The following PCBP2 variants were observed in gnomAD, a reference collection of about 807,000 sequenced individuals.
PCBP2 encodes poly(rC) binding protein 2.
In PCBP2, 4 loss-of-function variants were observed where a neutral mutation model predicts 50.1. The ratio of observed to expected loss-of-function variants is 0.08; its 90% CI spans 0.04 to 0.18. The LOEUF (loss-of-function observed/expected upper bound fraction) is 0.18. PCBP2 is among the 10% of genes least tolerant of loss of function. PCBP2 has a pLI of 1.00. For synonymous variants in PCBP2, 179 were observed against 168.0 expected, an observed-to-expected ratio of 1.07 and a Z score of -0.51; for missense variants, 161 against 474.3, an observed-to-expected ratio of 0.34 and a Z score of 6.14.
At chr12:53,471,598 ACT>A (rs763337878) in intron 13 of PCBP2, 38 bp from the exon 14 acceptor site, 3 of 1,567,880 alleles carry the variant, frequency 1.9e-6, no homozygotes, top group African/African-American at 1.4e-5. Context: ...TAGCCATGCA[ACT>A]CTAATTCGGT....
intron 13 of PCBP2, among the ~76,000 whole-genome samples, chr12:53,471,276 GTTTT>G (rs869289440): frequency 7.2e-6 from 1 of 139,592 alleles, no homozygotes. Flanking sequence ...GAGACCCTCG[GTTTT>G]TTTTTTTTTT....
chr12:53,456,109 G>A lies in PCBP2; in HGVS notation c.243+108G>A, dbSNP rs922678716. 2.4e-5 allele frequency: 17 copies of A among 720,740 alleles called. No homozygotes were observed. The East Asian group carries it at 3.0e-4, about 13-fold the overall frequency. 44.6% of individuals were successfully genotyped at this position (720,740 alleles called of 1,614,324 possible). On this transcript the variant is annotated intron_variant, in intron 5 of 14. Coordinates refer to ENST00000546463, the MANE Select transcript of PCBP2 (RefSeq NM_031989.5). ...AAGGACACACTGGACCTTGAGACTCGCTGTAAATGGGTCCTTAGCTTCCTG... is the reference window on the plus strand; with the variant it reads ...AAGGACACACTGGACCTTGAGACTCACTGTAAATGGGTCCTTAGCTTCCTG...
At chr12:53,465,661 A>G (rs1405624999) in intron 9 of PCBP2, among the ~76,000 whole-genome samples, 1 of 152,142 alleles carries the variant, frequency 6.6e-6, no homozygotes, top group Non-Finnish European at 1.5e-5. Flanking sequence ...CCACATTTTC[A>G]TTAAGAAACA....
chr12:53,476,536 A>T (rs1352099125), intron 14 of PCBP2, among the ~76,000 whole-genome samples: 1 of 152,128 alleles, frequency 6.6e-6, no homozygotes, highest in African/African-American at 2.4e-5. Flanking sequence ...CTTCCATTCA[A>T]CGAGAGTACA....
chr12:53,459,747 TA>T (rs952279298), intron 6 of PCBP2: 1 of 303,760 alleles, frequency 3.3e-6, no homozygotes, highest in African/African-American at 2.2e-5. Flanking sequence ...TTCTATTTTT[TA>T]ATTTTTAACT....
At chr12:53,453,449 T>C (rs1207675278) in intron 1 of PCBP2, among the ~76,000 whole-genome samples, 1 of 152,210 alleles carries the variant, frequency 6.6e-6, no homozygotes, top group Non-Finnish European at 1.5e-5. Flanking sequence ...AATGGGGAAA[T>C]GATGTGCTTT....
intron 14 of PCBP2, among the ~76,000 whole-genome samples, chr12:53,472,282 C>T (rs1451388423): frequency 6.6e-6 from 1 of 152,154 alleles, no homozygotes; most frequent in Non-Finnish European, 1.5e-5. Context: ...CCATTTTTCT[C>T]ACACTGCATG....
intron 9 of PCBP2, chr12:53,465,120 C>G (rs977151402): frequency 9.0e-6 from 3 of 332,428 alleles, no homozygotes; most frequent in Non-Finnish European, 1.1e-5. Context: ...TTTCACCTTC[C>G]TTCCACCCCC....
At position 53,462,541 on chromosome 12, in the gene PCBP2, T is replaced by C; in HGVS notation, c.553T>C (p.Ser185Pro). Residue 185 changes from serine (S) to proline (P), a missense_variant, in exon 8 of 15, where the codon TCT becomes CCT. Ser to Pro is a moderately conservative substitution (Grantham distance 74). This residue lies in a region of PCBP2 where 35 missense variants were observed against 45.5 expected (regional missense o/e 0.77). Coordinates refer to ENST00000546463, the MANE Select transcript of PCBP2 (RefSeq NM_031989.5). ...TIPYRPKPSS[S>P]PVIFAGGQDR... is the part of the protein sequence containing the mutation. Reference sequence around the variant, plus strand: ...CCCGTACCGGCCCAAGCCGTCCAGCTCTCCGGTCATCTTTGCAGGTGGTCA... The same window carrying C: ...CCCGTACCGGCCCAAGCCGTCCAGCCCTCCGGTCATCTTTGCAGGTGGTCA... The C allele has an allele frequency of 6.2e-7, 1 of 1,613,578 alleles. No individual in the cohort carries two copies. Among genetic ancestry groups the C allele is most frequent in the Non-Finnish European group, 8.5e-7 (1 of 1,179,584 alleles).
At chr12:53,475,549 C>CT (rs67600882) in intron 14 of PCBP2, 20,098 of 146,384 alleles carry the variant, frequency 0.14, 1,245 homozygotes, top group Non-Finnish European at 0.17. Context: ...GCTTCGTTAA[C>CT]TTTTTTTTTT....
chr12:53,467,344 C>A, intron 11 of PCBP2, 51 bp downstream of exon 11: 1 of 1,409,858 alleles, frequency 7.1e-7, no homozygotes, highest in Non-Finnish European at 1.0e-6. Context: ...AAGAGAGAGG[C>A]CAGTCCCAAG....
rs1026325859 is a variant in PCBP2 at position 53,464,664 on chromosome 12, GA to G, written c.580-89del. 65 of 1,506,628 alleles carry G rather than the reference GA, an allele frequency of 4.3e-5. No homozygotes were observed. The African/African-American group carries it at 7.6e-4, about 18-fold the overall frequency. The allele number at this position is 1,506,628 out of a possible 1,614,324, so 93.3% of individuals were successfully genotyped here. ...CTGAGCTCCTTTTTAAAGGAAAAAGGAAAAAAATAAACAACTTTTTTTGTGT... is the reference window on the plus strand; with the variant it reads ...CTGAGCTCCTTTTTAAAGGAAAAAGGAAAAAATAAACAACTTTTTTTGTGT... On this transcript the variant is annotated intron_variant, in intron 8 of 14. Transcript: ENST00000546463.
rs760624417 is a variant in PCBP2 at position 53,468,784 on chromosome 12, G to A, written c.834G>A (p.Leu278=). 2 of 1,612,908 alleles carry A rather than the reference G, an allele frequency of 1.2e-6. No homozygotes were observed. Among genetic ancestry groups the A allele is most frequent in the Non-Finnish European group, 1.7e-6 (2 of 1,178,936 alleles). ...SPEVKGYWAG[L]DASAQTTSHE... ...CTCTCTTCTGTCTTTTAGCAGGTTT[G>A]GATGCATCTGCTCAGACTACTTCTC... The change falls in exon 13 of 15, where the codon TTG becomes TTA. Residue 278 remains leucine (L), a synonymous_variant. Transcript: ENST00000546463.
chr12:53,473,827 T>A (rs1291576505), intron 14 of PCBP2, among the ~76,000 whole-genome samples: 1 of 152,142 alleles, frequency 6.6e-6, no homozygotes, highest in Non-Finnish European at 1.5e-5. Context: ...TTCTGAGCAT[T>A]TTCTCCTGTC....
rs947213185 is a variant in PCBP2 at position 53,459,160 on chromosome 12, T to C, written c.244-112T>C. On this transcript the variant is annotated intron_variant, in intron 5 of 14. Coordinates refer to ENST00000546463, the MANE Select transcript of PCBP2 (RefSeq NM_031989.5). Reference sequence around the variant, plus strand: ...TGAACCTTTTGTCTATGGTGGATTATGACCTCGCATGTCCTAATAAGATCA... The same window carrying C: ...TGAACCTTTTGTCTATGGTGGATTACGACCTCGCATGTCCTAATAAGATCA... 2.0e-5 allele frequency: 16 copies of C among 811,022 alleles called. No individual in the cohort carries two copies. In the African/African-American group the frequency reaches 2.6e-4, roughly 13 times the overall value. 50.2% of individuals were successfully genotyped at this position (811,022 alleles called of 1,614,324 possible). A position where few individuals can be genotyped will look rare whatever the true frequency, so the allele number is the denominator to read the frequency against.
chr12:53,459,127 A>G (rs1941258749), intron 5 of PCBP2, 145 bp from the exon 6 acceptor site: 4 of 507,332 alleles, frequency 7.9e-6, no homozygotes, highest in South Asian at 5.4e-5. Context: ...TGAGAGGGGC[A>G]TGGTATTTGA....
rs767300815 is a variant in PCBP2 at position 53,455,506 on chromosome 12, A to G, written c.126+13A>G. 1 of 1,613,400 alleles carries G rather than the reference A, an allele frequency of 6.2e-7. No individual in the cohort carries two copies. Among genetic ancestry groups the G allele is most frequent in the East Asian group, 2.2e-5 (1 of 44,854 alleles). Reference sequence around the variant, plus strand: ...GATGCGCGAGGAGGTAAGTTATGAAAGACTGAGATTGTTAACTTTGGGAAG... The same window carrying G: ...GATGCGCGAGGAGGTAAGTTATGAAGGACTGAGATTGTTAACTTTGGGAAG... On this transcript the variant is annotated intron_variant, in intron 4 of 14. Transcript: ENST00000546463.
In PCBP2 at chr12:53,480,324, A is replaced by G. The variant is rs1220967067; in HGVS notation, c.*882A>G. 2.6e-5 allele frequency: 4 copies of G among 152,234 alleles called. No homozygotes were observed. Among genetic ancestry groups the G allele is most frequent in the African/African-American group, 9.7e-5 (4 of 41,442 alleles). The allele number at this position is 152,234 out of a possible 1,614,324, so 9.4% of individuals were successfully genotyped here. A position where few individuals can be genotyped will look rare whatever the true frequency, so the allele number is the denominator to read the frequency against. ...GTATCTGCTACCATTTATTCCTATAATTTTAGAAAGTTGGGGCTTGACATT... is the reference window on the plus strand; with the variant it reads ...GTATCTGCTACCATTTATTCCTATAGTTTTAGAAAGTTGGGGCTTGACATT... On this transcript the variant is annotated 3_prime_UTR_variant, in exon 15 of 15. Coordinates refer to ENST00000546463, the MANE Select transcript of PCBP2 (RefSeq NM_031989.5).
rs773035048 is a variant in PCBP2, at chr12:53,479,464, A to C, written c.*22A>C. 2.5e-6 allele frequency: 4 copies of C among 1,609,562 alleles called. No homozygotes were observed. The highest frequency in any genetic ancestry group is 3.4e-6 in the Non-Finnish European group (4 of 1,176,512). On this transcript the variant is annotated 3_prime_UTR_variant, in exon 15 of 15. Transcript: ENST00000546463. ...CTAGAACAATGCAGATTCATCCATA[A>C]TCCCTTTCTGCTGTTCACCACCACC...
Sources: allele counts gnomAD v4.1 joint callset (sites outside exome capture counted in the v4.1 genomes callset), GRCh38; gene constraint gnomAD v4.1.1; regional missense constraint gnomAD v4.1.1; transcripts MANE v1.5; gene names NCBI Gene and HGNC (gene_info 2026-07-23, HGNC 2026-07-21).